The following SPAG16 variants were observed in gnomAD, a reference collection of about 807,000 sequenced individuals.
SPAG16 encodes the protein sperm associated antigen 16, also known as sperm-associated antigen 16 protein.
A neutral mutation model predicts 80.4 loss-of-function variants in SPAG16; 86 were observed. The observed-to-expected ratio is 1.07, with a 90% CI of 0.90 to 1.28. The LOEUF (loss-of-function observed/expected upper bound fraction) is 1.28, where lower values mean the gene tolerates loss of function less well. Among genes scored for constraint, SPAG16 ranks in the 50% most tolerant of loss-of-function variants. The pLI, the probability that SPAG16 is intolerant of heterozygous loss-of-function variation, is 0.00. For synonymous variants in SPAG16, 294 were observed against 265.9 expected, an observed-to-expected ratio of 1.11 and a Z score of -1.03; for missense variants, 870 against 765.3, an observed-to-expected ratio of 1.14 and a Z score of -1.61.
intron 5 of SPAG16, among the ~76,000 whole-genome samples, chr2:213,339,651 T>C (rs574183864): frequency 1.8e-4 from 27 of 152,290 alleles, no homozygotes; most frequent in African/African-American, 6.5e-4. Flanking sequence ...ACTGATGATA[T>C]ATATTTATTT....
At chr2:214,048,195 A>G (rs911199923) in intron 13 of SPAG16, among the ~76,000 whole-genome samples, 2 of 152,186 alleles carry the variant, frequency 1.3e-5, no homozygotes, top group African/African-American at 4.8e-5. Flanking sequence ...GCCTAGGTAT[A>G]TACTCCAAAG....
At position 213,729,512 on chromosome 2, in the gene SPAG16, C is replaced by T. The variant is rs185374906; in HGVS notation, c.1071-132973C>T. Among the ~76,000 whole-genome samples the T allele has an allele frequency of 7.9e-5, 12 of 152,270 alleles. No individual in the cohort carries two copies. In the East Asian group the frequency reaches 2.3e-3, roughly 29 times the overall value. ...GATGCTTAGTTTTTGCCAGGAGGAGCCTGAATGTCAGCCATCAAGGAGTCT... is the reference window on the plus strand; with the variant it reads ...GATGCTTAGTTTTTGCCAGGAGGAGTCTGAATGTCAGCCATCAAGGAGTCT... On this transcript the variant is annotated intron_variant, in intron 10 of 15. Transcript: ENST00000331683.
chr2:214,285,070 G>A (rs1693253528), intron 15 of SPAG16, among the ~76,000 whole-genome samples: 2 of 152,118 alleles, frequency 1.3e-5, no homozygotes, highest in Admixed American at 6.5e-5. Flanking sequence ...CATAATGGCT[G>A]TACCAATTTA....
At chr2:213,758,414 G>T (rs2068461789) in intron 10 of SPAG16, among the ~76,000 whole-genome samples, 1 of 151,856 alleles carries the variant, frequency 6.6e-6, no homozygotes, top group African/African-American at 2.4e-5. Context: ...AAATAATTGT[G>T]TTAAATGATC....
intron 5 of SPAG16, among the ~76,000 whole-genome samples, chr2:213,334,574 G>A (rs1173602697): frequency 6.6e-6 from 1 of 152,138 alleles, no homozygotes; most frequent in Non-Finnish European, 1.5e-5. Context: ...ATCAGCAGAT[G>A]AATGGATAAA....
At chr2:214,150,875 G>T (rs1032951648) in intron 15 of SPAG16, among the ~76,000 whole-genome samples, 1 of 151,918 alleles carries the variant, frequency 6.6e-6, no homozygotes. Flanking sequence ...CTGTCATACA[G>T]GTCAGTGTGA....
chr2:214,178,667 C>T (rs570240902), intron 15 of SPAG16, among the ~76,000 whole-genome samples: 3 of 151,394 alleles, frequency 2.0e-5, no homozygotes, highest in East Asian at 3.9e-4. Flanking sequence ...ATAGAGCACA[C>T]GTGCACATAC....
rs183376212 is a variant in SPAG16, at chr2:213,516,710, A to G, written c.1070+26620A>G. On this transcript the variant is annotated intron_variant, in intron 10 of 15. Coordinates refer to ENST00000331683, the MANE Select transcript of SPAG16 (RefSeq NM_024532.5). ...AATAACCACATAAGGGGGCCTCCTA[A>G]AGCAAACTGTGATGTGGAAATGAAT... 1.3e-3 allele frequency among the ~76,000 whole-genome samples: 198 copies of G among 152,284 alleles called. 6 individuals are homozygous for G. The East Asian group carries it at 0.014, about 11-fold the overall frequency.
At position 214,165,469 on chromosome 2, in the gene SPAG16, C is replaced by CTTTTTTTTT. The variant is rs67726428; in HGVS notation, c.1720+16232_1720+16240dup. On this transcript the variant is annotated intron_variant, in intron 15 of 15. Coordinates refer to ENST00000331683, the MANE Select transcript of SPAG16 (RefSeq NM_024532.5). ...TTTAAAAATGCTTTGCATCACCATC[C>CTTTTTTTTT]TTTTTTTTTTTTTTTTTTTTTTTTT... Among the ~76,000 whole-genome samples the CTTTTTTTTT allele has an allele frequency of 6.3e-4, 24 of 37,858 alleles. 5 individuals are homozygous for CTTTTTTTTT. Among genetic ancestry groups the CTTTTTTTTT allele is most frequent in the African/African-American group, 1.3e-3 (9 of 7,176 alleles). The allele number at this position is 37,858 out of a possible 152,430, so 24.8% of individuals were successfully genotyped here.
chr2:214,080,278 A>G (rs2051308014), intron 13 of SPAG16, among the ~76,000 whole-genome samples: 1 of 152,120 alleles, frequency 6.6e-6, no homozygotes, highest in Admixed American at 6.5e-5. Flanking sequence ...AACAAGTTCT[A>G]TAAAACAAGA....
intron 15 of SPAG16, among the ~76,000 whole-genome samples, chr2:214,245,369 G>A (rs1689765980): frequency 6.6e-6 from 1 of 151,918 alleles, no homozygotes; most frequent in South Asian, 2.1e-4. Flanking sequence ...CCATTAAACT[G>A]CCTTCTGCAC....
chr2:214,201,499 A>T (rs2058008151), intron 15 of SPAG16, among the ~76,000 whole-genome samples: 1 of 152,212 alleles, frequency 6.6e-6, no homozygotes, highest in South Asian at 2.1e-4. Flanking sequence ...ATTTATGAAG[A>T]TAGCCATTGG....
intron 3 of SPAG16, among the ~76,000 whole-genome samples, chr2:213,300,191 T>TC (rs1177750398): frequency 6.6e-6 from 1 of 152,148 alleles, no homozygotes; most frequent in Non-Finnish European, 1.5e-5. Context: ...GACACCCAAG[T>TC]CATATAATTG....
At chr2:214,102,330 G>A (rs1021321299) in intron 13 of SPAG16, among the ~76,000 whole-genome samples, 7 of 151,776 alleles carry the variant, frequency 4.6e-5, no homozygotes, top group Admixed American at 1.3e-4. Flanking sequence ...TTAATGAGGA[G>A]TGATATGAAG....
chr2:213,818,355 C>A (rs1358662591), intron 10 of SPAG16, among the ~76,000 whole-genome samples: 2 of 152,156 alleles, frequency 1.3e-5, no homozygotes, highest in Admixed American at 6.6e-5. Context: ...GGAACTTTAT[C>A]TCAGGTCATT....
At chr2:213,862,403 A>C in intron 10 of SPAG16, 82 bp from the exon 11 acceptor site, 1 of 1,537,858 alleles carries the variant, frequency 6.5e-7, no homozygotes, top group East Asian at 2.3e-5. Flanking sequence ...AAATCGGATA[A>C]TCACTGCCAT....
At chr2:214,017,003 C>T (rs886817073) in intron 13 of SPAG16, among the ~76,000 whole-genome samples, 54 of 152,162 alleles carry the variant, frequency 3.5e-4, no homozygotes, top group African/African-American at 1.3e-3. Flanking sequence ...CTGTTTAGAC[C>T]TCTGAGGCCA....
intron 13 of SPAG16, among the ~76,000 whole-genome samples, chr2:214,077,196 C>T (rs1477388447): frequency 2.0e-5 from 3 of 152,086 alleles, no homozygotes; most frequent in Non-Finnish European, 2.9e-5. Flanking sequence ...CCACAACCTC[C>T]GGGTACCTAG....
chr2:213,519,478 C>T (rs1193866763), intron 10 of SPAG16, among the ~76,000 whole-genome samples: 1 of 152,126 alleles, frequency 6.6e-6, no homozygotes, highest in Non-Finnish European at 1.5e-5. Flanking sequence ...GAGGAGTTTT[C>T]CTGCAAAAGC....
Sources: allele counts gnomAD v4.1 joint callset (sites outside exome capture counted in the v4.1 genomes callset), GRCh38; gene constraint gnomAD v4.1.1; transcripts MANE v1.5; gene names NCBI Gene and HGNC (gene_info 2026-07-23, HGNC 2026-07-21).